The following BLK variants were observed in gnomAD, a reference collection of about 807,000 sequenced individuals.
BLK encodes BLK proto-oncogene, Src family tyrosine kinase.
Under a neutral mutation model 61.8 loss-of-function variants are expected in BLK, and 64 were observed. The observed-to-expected ratio is 1.03, with a 90% confidence interval of 0.85 to 1.27. The LOEUF is 1.27. Among genes scored for constraint, BLK ranks in the 50% most tolerant of loss-of-function variants. The pLI is 0.00. For missense variants in BLK, 853 were observed against 660.5 expected, an observed-to-expected ratio of 1.29 and a Z score of -3.19; for synonymous variants, 351 against 272.0, an observed-to-expected ratio of 1.29 and a Z score of -2.86.
intron 1 of BLK, among the ~76,000 whole-genome samples, chr8:11,503,411 G>A (rs541576642): frequency 6.6e-6 from 1 of 152,280 alleles, no homozygotes; most frequent in Admixed American, 6.5e-5. Context: ...GGGGGTGCTG[G>A]CACACCCAGA....
intron 1 of BLK, among the ~76,000 whole-genome samples, chr8:11,499,765 C>A (rs1488354266): frequency 6.6e-6 from 1 of 152,144 alleles, no homozygotes; most frequent in Admixed American, 6.5e-5. Context: ...TGCTTGGACT[C>A]CAGGACACTT....
At chr8:11,499,388 C>G (rs776837820) in intron 1 of BLK, among the ~76,000 whole-genome samples, 20 of 152,174 alleles carry the variant, frequency 1.3e-4, no homozygotes, top group Non-Finnish European at 2.5e-4. Context: ...TGAAGCAATA[C>G]GTAACTATAT....
At chr8:11,519,259 G>A (rs1040147939) in intron 1 of BLK, among the ~76,000 whole-genome samples, 5 of 152,198 alleles carry the variant, frequency 3.3e-5, no homozygotes, top group Admixed American at 6.5e-5. Flanking sequence ...AGAGGACCTC[G>A]CTACCTTCAT....
At chr8:11,556,153 G>C in intron 8 of BLK, 1 of 228,578 alleles carries the variant, frequency 4.4e-6, no homozygotes, top group South Asian at 7.3e-5. Context: ...AAGTAGAGTT[G>C]TCTTTTGCCC....
intron 1 of BLK, among the ~76,000 whole-genome samples, chr8:11,496,491 C>T (rs988558622): frequency 6.6e-6 from 1 of 152,270 alleles, no homozygotes; most frequent in Non-Finnish European, 1.5e-5. Context: ...CATCCTCCCA[C>T]TTTGGCCTCC....
At chr8:11,505,846 A>T (rs1432243155) in intron 1 of BLK, among the ~76,000 whole-genome samples, 2 of 152,162 alleles carry the variant, frequency 1.3e-5, no homozygotes, top group Non-Finnish European at 2.9e-5. Flanking sequence ...ACTCCCTGGC[A>T]CACATGACAC....
At chr8:11,555,568 G>C in intron 8 of BLK, 84 bp downstream of exon 8, 1 of 1,584,978 alleles carries the variant, frequency 6.3e-7, no homozygotes, top group Non-Finnish European at 8.6e-7. Context: ...TTTTCATAGC[G>C]TGTCATCCCT....
In BLK at chr8:11,555,335, A is replaced by C. The variant is rs761120131; in HGVS notation, c.623A>C (p.Lys208Thr). ...TGTCTTTTCTTCCCTAATGCAGAGAAGGGGGATGGTCTATGCCAGAGGCTG... is the reference window on the plus strand; with the variant it reads ...TGTCTTTTCTTCCCTAATGCAGAGACGGGGGATGGTCTATGCCAGAGGCTG... ...LQALVQHYSK[K>T]GDGLCQRLTL... is the part of the protein sequence containing the mutation. Residue 208 changes from lysine to threonine, a missense_variant, in exon 8 of 13, where the codon AAG (lysine) becomes ACG (threonine). Physicochemically the swap from Lys to Thr is moderately conservative, Grantham distance 78. Coordinates refer to ENST00000259089, the MANE Select transcript of BLK (RefSeq NM_001715.3). 4 of 1,614,048 alleles carry C rather than the reference A, an allele frequency of 2.5e-6. No individual in the cohort carries two copies. In the South Asian group the frequency reaches 4.4e-5, roughly 18 times the overall value.
At chr8:11,510,795 A>T (rs1798970377) in intron 1 of BLK, among the ~76,000 whole-genome samples, 1 of 151,322 alleles carries the variant, frequency 6.6e-6, no homozygotes, top group South Asian at 2.1e-4. Flanking sequence ...ATAAATAAAT[A>T]AATAAATAAA....
intron 1 of BLK, among the ~76,000 whole-genome samples, chr8:11,536,005 G>C (rs1179286908): frequency 6.6e-6 from 1 of 152,204 alleles, no homozygotes; most frequent in African/African-American, 2.4e-5. Context: ...AAGACGTTGA[G>C]TTATATACGA....
At chr8:11,495,775 T>C (rs1563413572) in intron 1 of BLK, among the ~76,000 whole-genome samples, 1 of 152,122 alleles carries the variant, frequency 6.6e-6, no homozygotes, top group Non-Finnish European at 1.5e-5. Context: ...GAAAAATAGG[T>C]GAAATTTTAA....
At chr8:11,501,058 A>C (rs1368418281) in intron 1 of BLK, among the ~76,000 whole-genome samples, 1 of 151,994 alleles carries the variant, frequency 6.6e-6, no homozygotes, top group Non-Finnish European at 1.5e-5. Context: ...AAAATACAAA[A>C]ATTAGCTGGG....
intron 1 of BLK, among the ~76,000 whole-genome samples, chr8:11,541,903 G>T (rs144254410): frequency 8.3e-4 from 127 of 152,286 alleles, no homozygotes; most frequent in African/African-American, 2.8e-3. Context: ...AAGCTGATCT[G>T]AGCTCACATA....
chr8:11,496,644 AC>A (rs2117225027), intron 1 of BLK, among the ~76,000 whole-genome samples: 1 of 152,228 alleles, frequency 6.6e-6, no homozygotes, highest in Non-Finnish European at 1.5e-5. Flanking sequence ...GGCTCCTGGC[AC>A]CCCAAGCACA....
In BLK at chr8:11,564,183, C is replaced by T; in HGVS notation, c.*75C>T. On this transcript the variant is annotated 3_prime_UTR_variant, in exon 13 of 13. Transcript: ENST00000259089. Reference sequence around the variant, plus strand: ...GACTTCCGTGCCATCCCAGACGGGCCGCGAAGGCGGGGTGTCGCCTGTGCC... The same window carrying T: ...GACTTCCGTGCCATCCCAGACGGGCTGCGAAGGCGGGGTGTCGCCTGTGCC... 1 of 1,498,112 alleles carries T rather than the reference C, an allele frequency of 6.7e-7. No homozygotes were observed. The allele number at this position is 1,498,112 out of a possible 1,614,324, so 92.8% of individuals were successfully genotyped here.
intron 1 of BLK, among the ~76,000 whole-genome samples, chr8:11,496,824 G>A (rs531548137): frequency 2.0e-4 from 30 of 152,302 alleles, no homozygotes; most frequent in African/African-American, 7.0e-4. Context: ...CTGTGAGCTG[G>A]GCTCGACAGC....
chr8:11,545,950 TC>T, intron 2 of BLK, 101 bp from the exon 3 acceptor site: 2 of 1,226,162 alleles, frequency 1.6e-6, no homozygotes, highest in Non-Finnish European at 2.4e-6. Flanking sequence ...CTTCAGTAGG[TC>T]CCTGGAGATA....
chr8:11,521,696 G>C (rs945144686), intron 1 of BLK, among the ~76,000 whole-genome samples: 1 of 152,194 alleles, frequency 6.6e-6, no homozygotes. Context: ...CATTTATCGA[G>C]TAGCTCATAC....
intron 2 of BLK, among the ~76,000 whole-genome samples, chr8:11,544,026 G>T (rs1015408963): frequency 1.3e-5 from 2 of 151,576 alleles, no homozygotes; most frequent in African/African-American, 4.9e-5. Flanking sequence ...GCAGTGGTGG[G>T]ACCTTGGCTC....
Sources: gnomAD v4.1 joint callset for allele counts (sites outside exome capture counted in the v4.1 genomes callset) on GRCh38, gnomAD v4.1.1 for gene constraint, MANE v1.5 for transcripts, NCBI Gene and HGNC (gene_info 2026-07-23, HGNC 2026-07-21) for gene names.